Variants in PDGFD observed in about 807,000 individuals in gnomAD.
PDGFD encodes the protein platelet-derived growth factor D.
Under a neutral mutation model 44.7 loss-of-function variants are expected in PDGFD, and 30 were observed. The ratio of observed to expected loss-of-function variants is 0.67; its 90% confidence interval spans 0.50 to 0.91. PDGFD has a LOEUF of 0.91. PDGFD is among the 40% of genes least tolerant of loss of function. The pLI, the probability that PDGFD is intolerant of heterozygous loss-of-function variation, is 0.00. For missense variants in PDGFD, 445 were observed against 457.8 expected (o/e 0.97, Z 0.25); for synonymous variants, 173 against 168.4 (o/e 1.03, Z -0.21).
intron 1 of PDGFD, among the ~76,000 whole-genome samples, chr11:104,045,060 A>C (rs1028465279): frequency 1.3e-5 from 2 of 152,022 alleles, no homozygotes; most frequent in Middle Eastern, 3.4e-3. Context: ...CAAACAAACA[A>C]ACACCTGATA....
intron 1 of PDGFD, among the ~76,000 whole-genome samples, chr11:104,151,805 C>G (rs1243221785): frequency 6.6e-6 from 1 of 152,044 alleles, no homozygotes; most frequent in Non-Finnish European, 1.5e-5. Flanking sequence ...CTTTCATTTT[C>G]AAATAATATT....
At chr11:104,103,577 A>G (rs1034372889) in intron 1 of PDGFD, among the ~76,000 whole-genome samples, 2 of 151,128 alleles carry the variant, frequency 1.3e-5, no homozygotes, top group African/African-American at 2.4e-5. Flanking sequence ...ATACAGTCAT[A>G]AACTGCATAA....
chr11:103,970,548 T>C (rs1461257110), intron 3 of PDGFD, among the ~76,000 whole-genome samples: 3 of 152,136 alleles, frequency 2.0e-5, no homozygotes, highest in Non-Finnish European at 4.4e-5. Flanking sequence ...TAATATAAGA[T>C]GTTGACAAAC....
intron 3 of PDGFD, among the ~76,000 whole-genome samples, chr11:103,950,923 G>A (rs1355722577): frequency 6.6e-6 from 1 of 152,106 alleles, no homozygotes; most frequent in African/African-American, 2.4e-5. Flanking sequence ...TCATTTCCTT[G>A]CATAGACACA....
At chr11:104,037,310 G>A (rs1860263701) in intron 1 of PDGFD, 3 of 1,613,386 alleles carry the variant, frequency 1.9e-6, no homozygotes, top group Non-Finnish European at 2.5e-6. Flanking sequence ...CTCAAGGAAC[G>A]CAACCCTCCC....
At chr11:103,936,412 A>G (rs1466059934) in intron 5 of PDGFD, among the ~76,000 whole-genome samples, 1 of 152,242 alleles carries the variant, frequency 6.6e-6, no homozygotes, top group East Asian at 1.9e-4. Flanking sequence ...TGAAAAATCA[A>G]AACTTGTGTC....
chr11:103,997,733 C>T (rs1859555244), intron 2 of PDGFD, among the ~76,000 whole-genome samples: 1 of 152,168 alleles, frequency 6.6e-6, no homozygotes, highest in South Asian at 2.1e-4. Flanking sequence ...ATATTTACTG[C>T]ACAAAGCATG....
intron 1 of PDGFD, among the ~76,000 whole-genome samples, chr11:104,047,830 C>A (rs531402794): frequency 2.0e-5 from 3 of 152,122 alleles, no homozygotes; most frequent in Non-Finnish European, 4.4e-5. Flanking sequence ...AGAATAAGTT[C>A]TTGATTCAGC....
Position 103,968,009 on chromosome 11 carries a change from G to T in PDGFD, c.511-20285C>A, listed in dbSNP as rs1229780763. On this transcript the variant is annotated intron_variant, in intron 3 of 6. Coordinates refer to ENST00000393158, the MANE Select transcript of PDGFD (RefSeq NM_025208.5). The stretch of plus-strand genomic sequence containing the variant: ...GATGTAAAGACTCTTACTAATATTT[G>T]TAATAGCCTCTGAATTGCCAAAGCC... Among the ~76,000 whole-genome samples, 3 of 152,126 alleles carry T rather than the reference G, an allele frequency of 2.0e-5. No homozygotes were observed. The East Asian group carries it at 5.8e-4, about 29-fold the overall frequency.
At chr11:104,026,821 CTT>C (rs1860047835) in intron 1 of PDGFD, among the ~76,000 whole-genome samples, 1 of 152,176 alleles carries the variant, frequency 6.6e-6, no homozygotes, top group South Asian at 2.1e-4. Context: ...GACTGAGACT[CTT>C]TCATTGTTCC....
intron 1 of PDGFD, among the ~76,000 whole-genome samples, chr11:104,118,432 G>A (rs548993260): frequency 3.9e-4 from 59 of 151,900 alleles, no homozygotes; most frequent in African/African-American, 1.4e-3. Flanking sequence ...GCATACAGCT[G>A]TGAGAAATAA....
At chr11:104,120,052 A>G (rs1374471602) in intron 1 of PDGFD, among the ~76,000 whole-genome samples, 1 of 148,156 alleles carries the variant, frequency 6.7e-6, no homozygotes, top group African/African-American at 2.5e-5. Context: ...ACTGGAACAT[A>G]TATATGTCCT....
chr11:104,088,261 G>A (rs187996447), intron 1 of PDGFD, among the ~76,000 whole-genome samples: 35 of 152,286 alleles, frequency 2.3e-4, no homozygotes, highest in Non-Finnish European at 4.4e-5. Flanking sequence ...CAATTTTACT[G>A]ACTCACAATT....
chr11:103,972,627 G>C (rs1383042507), intron 3 of PDGFD, among the ~76,000 whole-genome samples: 3 of 152,112 alleles, frequency 2.0e-5, no homozygotes, highest in Admixed American at 6.6e-5. Flanking sequence ...GTGTCCCCCA[G>C]ATGAGACACA....
In PDGFD at chr11:103,915,107, C is replaced by A. The variant is rs562964516; in HGVS notation, c.988-5288G>T. Among the ~76,000 whole-genome samples, 71 of 152,092 alleles carry A rather than the reference C, an allele frequency of 4.7e-4. 1 individual carries two copies. The highest frequency in any genetic ancestry group is 1.7e-3 in the African/African-American group (69 of 41,468). Reference sequence around the variant, plus strand: ...GGAAGTTCTGGCCAGGGCAATCAGGCAATAGAAAGAAATAAAGGGTATTCA... The same window carrying A: ...GGAAGTTCTGGCCAGGGCAATCAGGAAATAGAAAGAAATAAAGGGTATTCA... On this transcript the variant is annotated intron_variant, in intron 6 of 6. Coordinates refer to ENST00000393158, the MANE Select transcript of PDGFD (RefSeq NM_025208.5).
chr11:104,018,134 C>A (rs1859889258), intron 1 of PDGFD, among the ~76,000 whole-genome samples: 1 of 151,826 alleles, frequency 6.6e-6, no homozygotes, highest in Non-Finnish European at 1.5e-5. Flanking sequence ...CCCCCAATTG[C>A]ACCCCACCCC....
chr11:103,927,123 T>C lies in PDGFD; in HGVS notation c.776A>G (p.Asp259Gly). The C allele has an allele frequency of 6.2e-7, 1 of 1,613,894 alleles. No individual in the cohort carries two copies. Among genetic ancestry groups the C allele is most frequent in the Non-Finnish European group, 8.5e-7 (1 of 1,179,836 alleles). ...RSYHDRKSKV[D>G]LDRLNDDAKR... ...GGCATCATCATTGAGCCTATCCAGG[T>C]CAACTGTAAGCAAATACATGCACTG... Residue 259 changes from aspartate (D) to glycine (G), a missense_variant, in exon 6 of 7, where the codon GAC becomes GGC. Coordinates refer to ENST00000393158, the MANE Select transcript of PDGFD (RefSeq NM_025208.5).
intron 3 of PDGFD, among the ~76,000 whole-genome samples, chr11:103,961,699 T>G (rs901791713): frequency 6.6e-6 from 1 of 152,256 alleles, no homozygotes; most frequent in East Asian, 1.9e-4. Context: ...ATTTATGGCT[T>G]CCACTACTAC....
At chr11:104,080,456 T>A (rs1459505065) in intron 1 of PDGFD, among the ~76,000 whole-genome samples, 1 of 152,218 alleles carries the variant, frequency 6.6e-6, no homozygotes, top group Non-Finnish European at 1.5e-5. Flanking sequence ...TTGGTTAATA[T>A]GCAAAATATA....
Sources: gnomAD v4.1 joint callset for allele counts (sites outside exome capture counted in the v4.1 genomes callset) on GRCh38, gnomAD v4.1.1 for gene constraint, MANE v1.5 for transcripts, NCBI Gene and HGNC (gene_info 2026-07-23, HGNC 2026-07-21) for gene names.